Variants in FMN1 observed in about 807,000 individuals in gnomAD.
The protein encoded by FMN1 is formin-1.
FMN1 carries 110 observed loss-of-function variants against 132.4 expected under a neutral mutation model. The ratio of observed to expected loss-of-function variants is 0.83; its 90% CI spans 0.71 to 0.97. The LOEUF (loss-of-function observed/expected upper bound fraction) is 0.97. Among genes scored for constraint, FMN1 ranks in the 50% least tolerant of loss-of-function variants. FMN1 has a pLI of 0.00. For synonymous variants in FMN1, 722 were observed against 651.7 expected, an observed-to-expected ratio of 1.11 and a Z score of -1.64; for missense variants, 1,792 against 1,705.3, an observed-to-expected ratio of 1.05 and a Z score of -0.90.
At chr15:33,087,366 T>G (rs2038736353) in intron 5 of FMN1, among the ~76,000 whole-genome samples, 1 of 151,994 alleles carries the variant, frequency 6.6e-6, no homozygotes, top group Admixed American at 6.5e-5. Context: ...GCCAACATGG[T>G]GAAACCCCAT....
chr15:32,813,935 A>C (rs1375445148), intron 17 of FMN1, among the ~76,000 whole-genome samples: 1 of 152,204 alleles, frequency 6.6e-6, no homozygotes, highest in Non-Finnish European at 1.5e-5. Flanking sequence ...CAGGATTCCC[A>C]AACACCGAGG....
chr15:33,150,492 G>C, intron 4 of FMN1: 1 of 985,436 alleles, frequency 1.0e-6, no homozygotes, highest in South Asian at 4.7e-5. Context: ...CATCATCCTT[G>C]AAATGAGAAG....
At chr15:32,923,162 T>C (rs2060875604) in intron 10 of FMN1, among the ~76,000 whole-genome samples, 1 of 152,194 alleles carries the variant, frequency 6.6e-6, no homozygotes, top group Admixed American at 6.5e-5. Flanking sequence ...GAATTGTCAT[T>C]TCACCAGGGC....
intron 4 of FMN1, among the ~76,000 whole-genome samples, chr15:33,107,545 A>G (rs112553919): frequency 1.3e-5 from 2 of 152,044 alleles, no homozygotes; most frequent in Non-Finnish European, 2.9e-5. Flanking sequence ...GCTGTTTTGT[A>G]ATGACACCAA....
At chr15:33,018,132 G>A (rs907837918) in intron 6 of FMN1, among the ~76,000 whole-genome samples, 1 of 152,084 alleles carries the variant, frequency 6.6e-6, no homozygotes, top group Non-Finnish European at 1.5e-5. Context: ...ACTAGGAGAT[G>A]GAGCCTTTGG....
chr15:32,938,827 T>G (rs1013073048), intron 9 of FMN1, among the ~76,000 whole-genome samples: 2 of 152,256 alleles, frequency 1.3e-5, no homozygotes, highest in African/African-American at 2.4e-5. Flanking sequence ...GCATTTTTAA[T>G]GATTTTTATT....
chr15:33,119,599 G>A (rs1414464317), intron 4 of FMN1, among the ~76,000 whole-genome samples: 3 of 152,158 alleles, frequency 2.0e-5, no homozygotes, highest in African/African-American at 4.8e-5. Context: ...TATTCTTGAA[G>A]AGCTTGCTTT....
chr15:33,031,568 G>C (rs1196732853), intron 6 of FMN1, among the ~76,000 whole-genome samples: 1 of 152,110 alleles, frequency 6.6e-6, no homozygotes, highest in Non-Finnish European at 1.5e-5. Context: ...TCTTCTTCCA[G>C]TTGTCATCAT....
At chr15:33,059,266 A>G (rs2037372984) in intron 6 of FMN1, among the ~76,000 whole-genome samples, 1 of 152,170 alleles carries the variant, frequency 6.6e-6, no homozygotes, top group South Asian at 2.1e-4. Flanking sequence ...TTGTATATAT[A>G]TAACATAGTT....
At chr15:33,118,921 A>G (rs1962289442) in intron 4 of FMN1, among the ~76,000 whole-genome samples, 1 of 152,272 alleles carries the variant, frequency 6.6e-6, no homozygotes, top group South Asian at 2.1e-4. Flanking sequence ...CTTTACAAAA[A>G]AAAAAAAAAT....
chr15:33,185,568 A>ATTTTTTTTTTTTTTTTTTTTTTTT (rs57232200), intron 2 of FMN1, among the ~76,000 whole-genome samples: 1 of 113,444 alleles, frequency 8.8e-6, no homozygotes, highest in African/African-American at 4.2e-5. Context: ...TAAAGTAAGA[A>ATTTTTTTTTTTTTTTTTTTTTTTT]TTTTTTTTTT....
intron 17 of FMN1, among the ~76,000 whole-genome samples, chr15:32,848,286 C>A (rs1310729868): frequency 1.3e-5 from 2 of 152,134 alleles, no homozygotes; most frequent in Non-Finnish European, 2.9e-5. Flanking sequence ...TGAAGTCAAT[C>A]CAAGTCAAGG....
chr15:33,122,217 C>CA (rs1357921453), intron 4 of FMN1, among the ~76,000 whole-genome samples: 1 of 152,028 alleles, frequency 6.6e-6, no homozygotes, highest in African/African-American at 2.4e-5. Flanking sequence ...CTATAGTCAC[C>CA]AAAAAAAGTG....
At chr15:32,961,098 A>G (rs1376841303) in intron 9 of FMN1, among the ~76,000 whole-genome samples, 1 of 151,642 alleles carries the variant, frequency 6.6e-6, no homozygotes, top group African/African-American at 2.4e-5. Flanking sequence ...GAATTTCACA[A>G]CATACTGGTG....
intron 18 of FMN1, among the ~76,000 whole-genome samples, chr15:32,799,365 A>T (rs1376132294): frequency 6.6e-6 from 1 of 152,180 alleles, no homozygotes; most frequent in East Asian, 1.9e-4. Context: ...ATTGGGAATA[A>T]TTAATCTGTC....
intron 4 of FMN1, among the ~76,000 whole-genome samples, chr15:33,144,139 T>C (rs1320290240): frequency 2.0e-5 from 3 of 152,204 alleles, no homozygotes; most frequent in Non-Finnish European, 4.4e-5. Flanking sequence ...TCCTTTAAGA[T>C]TTCACACTGA....
chr15:32,969,210 TG>T lies in FMN1; in HGVS notation c.2490del (p.Lys832SerfsTer2). The T allele has an allele frequency of 6.2e-7, 1 of 1,613,888 alleles. No homozygotes were observed. The highest frequency in any genetic ancestry group is 2.2e-5 in the East Asian group (1 of 44,880). Reference protein sequence around the residue: ...SKTTRSNQLVPKKLNISSLSQ... With the variant: ...SKTTRSNQLVXKKLNISSLSQ... Reference sequence around the variant, plus strand: ...CTTAAAGAGGAGATATTCAGCTTTTTGGGTACTAATTGATTACTTCTGGTTG... The same window carrying T: ...CTTAAAGAGGAGATATTCAGCTTTTTGGTACTAATTGATTACTTCTGGTTG... On this transcript the variant is annotated frameshift_variant, in exon 8 of 21. Coordinates refer to ENST00000616417, the MANE Select transcript of FMN1 (RefSeq NM_001277313.2). LOFTEE classifies it high-confidence loss of function.
chr15:32,809,919 T>G (rs1201656632), intron 17 of FMN1, among the ~76,000 whole-genome samples: 2 of 151,958 alleles, frequency 1.3e-5, no homozygotes, highest in Admixed American at 1.3e-4. Flanking sequence ...ACTCAAATAC[T>G]TATTTTTTTT....
In FMN1 at chr15:33,154,473, G is replaced by C. The variant is rs1444602641; in HGVS notation, c.442C>G (p.Leu148Val). 1 of 1,535,976 alleles carries C rather than the reference G, an allele frequency of 6.5e-7. No individual in the cohort carries two copies. The highest frequency in any genetic ancestry group is 8.7e-7 in the Non-Finnish European group (1 of 1,146,906). Residue 148 changes from leucine to valine, a missense_variant, in exon 4 of 21, where the codon CTC becomes GTC. Physicochemically the swap from Leu to Val is conservative, Grantham distance 32 (BLOSUM62 1). Coordinates refer to ENST00000616417, the MANE Select transcript of FMN1 (RefSeq NM_001277313.2). ...TTCCCGTGGGTGCTCCTCTTATTGA[G>C]AGGGCCCACGGGGAGCTCTCCCTGC... ...DWQGELPVGP[L>V]NKRSTHGNKK...
Sources: gnomAD v4.1 joint callset for allele counts (sites outside exome capture counted in the v4.1 genomes callset) on GRCh38, gnomAD v4.1.1 for gene constraint, MANE v1.5 for transcripts, NCBI Gene and HGNC (gene_info 2026-07-23, HGNC 2026-07-21) for gene names.